TRABD2A: variants seen among roughly 807,000 people sequenced by gnomAD.
The protein encoded by TRABD2A is TraB domain containing 2A.
In TRABD2A, 43 loss-of-function variants were observed where a neutral mutation model predicts 45.6. The ratio of observed to expected loss-of-function variants is 0.94; its 90% CI spans 0.74 to 1.22. The LOEUF (loss-of-function observed/expected upper bound fraction) is 1.22. Among genes scored for constraint, TRABD2A ranks in the 50% most tolerant of loss-of-function variants. The pLI is 0.00. For missense variants in TRABD2A, 642 were observed against 652.4 expected, an observed-to-expected ratio of 0.98 and a Z score of 0.17; for synonymous variants, 269 against 265.0, an observed-to-expected ratio of 1.02 and a Z score of -0.15.
At chr2:84,862,605 A>G (rs1682535836) in intron 2 of TRABD2A, among the ~76,000 whole-genome samples, 1 of 151,916 alleles carries the variant, frequency 6.6e-6, no homozygotes, top group Admixed American at 6.6e-5. Context: ...GTACAAAAAT[A>G]CCTATTCTTG....
chr2:84,824,033 C>CCT lies in TRABD2A; in HGVS notation c.1252_1253dup (p.Phe419GlyfsTer30), dbSNP rs1177986063. 2 of 1,613,756 alleles carry CCT rather than the reference C, an allele frequency of 1.2e-6. No individual in the cohort carries two copies. The highest frequency in any genetic ancestry group is 3.3e-5 in the Admixed American group (2 of 59,990). Reference sequence around the variant, plus strand: ...GTGACCGCCTCCGCTTCTTCCGGAACCTCTGTTCGGCCTCACTGGGCGTGT... The same window carrying CCT: ...GTGACCGCCTCCGCTTCTTCCGGAACCTCTCTGTTCGGCCTCACTGGGCGTGT... On this transcript the variant is annotated frameshift_variant, in exon 6 of 7. Coordinates refer to ENST00000409520, the MANE Select transcript of TRABD2A (RefSeq NM_001277053.2). LOFTEE classifies it high-confidence loss of function.
chr2:84,858,788 A>C (rs2105397688), intron 2 of TRABD2A, among the ~76,000 whole-genome samples: 1 of 152,300 alleles, frequency 6.6e-6, no homozygotes, highest in East Asian at 1.9e-4. Flanking sequence ...TCTGCTTTAC[A>C]CACTGAAGGT....
At chr2:84,859,419 A>T (rs1354352314) in intron 2 of TRABD2A, among the ~76,000 whole-genome samples, 2 of 152,226 alleles carry the variant, frequency 1.3e-5, no homozygotes, top group Non-Finnish European at 2.9e-5. Context: ...GCTCTCTAGA[A>T]GTTTATGTGC....
chr2:84,823,450 C>T (rs934837914), intron 6 of TRABD2A, among the ~76,000 whole-genome samples: 9 of 152,170 alleles, frequency 5.9e-5, no homozygotes, highest in African/African-American at 2.2e-4. Context: ...TGGGGTAGTT[C>T]TTCCAGAAGC....
intron 2 of TRABD2A, among the ~76,000 whole-genome samples, chr2:84,857,150 G>A (rs964605361): frequency 6.6e-6 from 1 of 152,160 alleles, no homozygotes; most frequent in Non-Finnish European, 1.5e-5. Flanking sequence ...AGCCACCTAG[G>A]CTGTGGTATT....
chr2:84,880,707 G>A (rs1443146133), intron 1 of TRABD2A, among the ~76,000 whole-genome samples: 3 of 152,226 alleles, frequency 2.0e-5, no homozygotes, highest in Non-Finnish European at 2.9e-5. Flanking sequence ...GAGGGCAAAG[G>A]CCAGGGCACT....
At chr2:84,827,928 C>T (rs919827009) in intron 5 of TRABD2A, among the ~76,000 whole-genome samples, 1 of 152,194 alleles carries the variant, frequency 6.6e-6, no homozygotes, top group Non-Finnish European at 1.5e-5. Context: ...CCTGCCCACA[C>T]CTTAGTTTCA....
chr2:84,823,206 A>AAC (rs977021137), intron 6 of TRABD2A, among the ~76,000 whole-genome samples: 10 of 152,026 alleles, frequency 6.6e-5, no homozygotes, highest in East Asian at 3.9e-4. Flanking sequence ...AGTAACCTCC[A>AAC]ACACACACAC....
At chr2:84,880,064 G>A (rs1038402069) in intron 1 of TRABD2A, among the ~76,000 whole-genome samples, 10 of 151,626 alleles carry the variant, frequency 6.6e-5, no homozygotes, top group Admixed American at 3.3e-4. Flanking sequence ...CAGAGCCAGG[G>A]ACGCACAGAT....
chr2:84,862,053 G>GGC (rs1682518455), intron 2 of TRABD2A, among the ~76,000 whole-genome samples: 1 of 152,196 alleles, frequency 6.6e-6, no homozygotes, highest in South Asian at 2.1e-4. Context: ...GGCATGACGT[G>GGC]ATGCTACACC....
chr2:84,847,142 G>C lies in TRABD2A; in HGVS notation c.670-5135C>G, dbSNP rs544089033. On this transcript the variant is annotated intron_variant, in intron 2 of 6. Transcript: ENST00000409520. ...CAGTGAGGAGCCAAGTCCAGGGCAG[G>C]GCGGTGCTCCAAGGGAAATCTCCAT... Among the ~76,000 whole-genome samples the C allele has an allele frequency of 3.3e-5, 5 of 152,290 alleles. No individual in the cohort carries two copies. The South Asian group carries it at 1.0e-3, about 32-fold the overall frequency.
intron 3 of TRABD2A, 136 bp from the exon 4 acceptor site, chr2:84,839,459 C>T (rs997128836): frequency 2.4e-6 from 2 of 817,754 alleles, no homozygotes; most frequent in African/African-American, 1.7e-5. Flanking sequence ...CTTGGAGTTT[C>T]CTGTCTGCTA....
At chr2:84,868,553 TTAAC>T (rs1559097673) in intron 2 of TRABD2A, among the ~76,000 whole-genome samples, 1 of 148,646 alleles carries the variant, frequency 6.7e-6, no homozygotes, top group African/African-American at 2.6e-5. Flanking sequence ...AATTAACTAG[TTAAC>T]TAATTAACAT....
chr2:84,825,135 C>T (rs1427080283), intron 5 of TRABD2A, among the ~76,000 whole-genome samples: 1 of 152,178 alleles, frequency 6.6e-6, no homozygotes, highest in African/African-American at 2.4e-5. Context: ...AGTCCTGAAA[C>T]TCACATCTGC....
intron 2 of TRABD2A, among the ~76,000 whole-genome samples, chr2:84,848,267 C>CACGCGTCCTAAA (rs144469385): frequency 0.22 from 32,999 of 151,354 alleles, 3,979 homozygotes; most frequent in African/African-American, 0.31. Flanking sequence ...GTTCCCCAAT[C>CACGCGTCCTAAA]AGCAACCACT....
intron 2 of TRABD2A, among the ~76,000 whole-genome samples, chr2:84,867,824 AC>A (rs1278492344): frequency 6.6e-6 from 1 of 152,260 alleles, no homozygotes; most frequent in Admixed American, 6.5e-5. Context: ...GCCAACAGAC[AC>A]ATGAACAAAT....
chr2:84,852,245 C>A (rs1262780134), intron 2 of TRABD2A, among the ~76,000 whole-genome samples: 2 of 152,228 alleles, frequency 1.3e-5, no homozygotes, highest in Non-Finnish European at 2.9e-5. Flanking sequence ...CAGGTAGACA[C>A]AGGCACTGCA....
chr2:84,878,025 A>C lies in TRABD2A; in HGVS notation c.108+2907T>G, dbSNP rs910424022. On this transcript the variant is annotated intron_variant, in intron 1 of 6. Transcript: ENST00000409520. ...GGGGAAGGGGCAGCAATAAACAAAA[A>C]TTTTTATCAGATGGTGATTAAGTGC... Among the ~76,000 whole-genome samples the C allele has an allele frequency of 2.0e-5, 3 of 152,222 alleles. No homozygotes were observed. The South Asian group carries it at 6.2e-4, about 32-fold the overall frequency.
rs1487401248 is a variant in TRABD2A, at chr2:84,830,617, G to A, written c.1082+1438C>T. ...TTTAGTGGAGGAAGCCAAAAGCCTG[G>A]TGGAGAAGGAAAATGAGCAGTCTCA... On this transcript the variant is annotated intron_variant, in intron 5 of 6. Coordinates refer to ENST00000409520, the MANE Select transcript of TRABD2A (RefSeq NM_001277053.2). The surrounding 1 kb of genome is among the most constrained non-coding windows in gnomAD (Gnocchi z 4.9). 6.6e-6 allele frequency among the ~76,000 whole-genome samples: 1 copy of A among 152,184 alleles called. No homozygotes were observed. Among genetic ancestry groups the A allele is most frequent in the Non-Finnish European group, 1.5e-5 (1 of 68,028 alleles).
Sources: allele counts gnomAD v4.1 joint callset (sites outside exome capture counted in the v4.1 genomes callset), GRCh38; gene constraint gnomAD v4.1.1; non-coding constraint Gnocchi (gnomAD v3.1); transcripts MANE v1.5; gene names NCBI Gene and HGNC (gene_info 2026-07-23, HGNC 2026-07-21).